The following RGS17 variants were observed in gnomAD, a reference collection of about 807,000 sequenced individuals.
The protein encoded by RGS17 is regulator of G-protein signaling 17.
A neutral mutation model predicts 25.5 loss-of-function variants in RGS17; 12 were observed. The observed-to-expected ratio is 0.47, with a 90% CI of 0.30 to 0.76. RGS17 has a LOEUF of 0.76. RGS17 is among the 30% of genes least tolerant of loss of function. RGS17 has a pLI of 0.07. For missense variants in RGS17, 196 were observed against 242.2 expected (o/e 0.81, Z 1.27); for synonymous variants, 71 against 76.9 (o/e 0.92, Z 0.40).
intron 1 of RGS17, among the ~76,000 whole-genome samples, chr6:153,075,853 C>T (rs1776869843): frequency 6.6e-6 from 1 of 152,186 alleles, no homozygotes; most frequent in Non-Finnish European, 1.5e-5. Flanking sequence ...CATACATACA[C>T]ATTCATACAT....
chr6:153,077,559 T>C (rs1022583835), intron 1 of RGS17, among the ~76,000 whole-genome samples: 4 of 152,294 alleles, frequency 2.6e-5, no homozygotes, highest in African/African-American at 9.6e-5. Flanking sequence ...CTGTAGGTTT[T>C]AAAATGTCAT....
intron 2 of RGS17, among the ~76,000 whole-genome samples, chr6:153,029,199 T>C (rs1019736847): frequency 6.6e-6 from 1 of 152,248 alleles, no homozygotes; most frequent in African/African-American, 2.4e-5. Flanking sequence ...TGATCTACTA[T>C]TGGCCACAGT....
chr6:153,050,853 G>GTAATGATATTTGGAGATGGGGCCAAATA (rs553369475), intron 1 of RGS17, among the ~76,000 whole-genome samples: 1 of 152,176 alleles, frequency 6.6e-6, no homozygotes, highest in South Asian at 2.1e-4. Context: ...AATCCCAAAT[G>GTAATGATATTTGGAGATGGGGCCAAATA]TAATGATATT....
intron 1 of RGS17, among the ~76,000 whole-genome samples, chr6:153,055,818 G>A (rs1029146524): frequency 6.6e-6 from 1 of 152,164 alleles, no homozygotes; most frequent in South Asian, 2.1e-4. Flanking sequence ...GAAATGAGGG[G>A]AAATTCTGCT....
At chr6:153,109,047 T>C (rs759945575) in intron 1 of RGS17, among the ~76,000 whole-genome samples, 9 of 152,158 alleles carry the variant, frequency 5.9e-5, no homozygotes, top group Non-Finnish European at 1.2e-4. Flanking sequence ...TTACTCCTCT[T>C]TCCCAGACTA....
chr6:153,072,105 C>T (rs1434558008), intron 1 of RGS17, among the ~76,000 whole-genome samples: 1 of 152,058 alleles, frequency 6.6e-6, no homozygotes, highest in Non-Finnish European at 1.5e-5. Flanking sequence ...GTATTCCCAG[C>T]ATCTAAGGGA....
chr6:153,071,198 T>C (rs1776798501), intron 1 of RGS17, among the ~76,000 whole-genome samples: 2 of 150,514 alleles, frequency 1.3e-5, no homozygotes. Context: ...TATCAATATA[T>C]ATACACACAG....
At chr6:153,048,103 T>C (rs1337397103) in intron 1 of RGS17, among the ~76,000 whole-genome samples, 1 of 152,222 alleles carries the variant, frequency 6.6e-6, no homozygotes, top group Non-Finnish European at 1.5e-5. Flanking sequence ...TTTTCCTGAA[T>C]TCAGGATGCA....
intron 2 of RGS17, among the ~76,000 whole-genome samples, chr6:153,041,675 C>T (rs1424235614): frequency 1.3e-5 from 2 of 152,142 alleles, no homozygotes; most frequent in Non-Finnish European, 2.9e-5. Context: ...ATTACAGGAA[C>T]CTGGTATAGT....
At chr6:153,062,330 G>A (rs1215983553) in intron 1 of RGS17, among the ~76,000 whole-genome samples, 2 of 152,160 alleles carry the variant, frequency 1.3e-5, no homozygotes, top group Non-Finnish European at 2.9e-5. Context: ...CTCTAAGGGA[G>A]GGACAACACA....
chr6:153,121,642 C>T (rs1352733235), intron 1 of RGS17, among the ~76,000 whole-genome samples: 1 of 152,154 alleles, frequency 6.6e-6, no homozygotes, highest in Admixed American at 6.5e-5. Context: ...GCTTATCATA[C>T]ACATTTATTC....
At position 153,130,483 on chromosome 6, in the gene RGS17, T is replaced by TACACAC. The variant is rs58779961; in HGVS notation, c.-26+635_-26+640dup. Among the ~76,000 whole-genome samples, 7 of 146,208 alleles carry TACACAC rather than the reference T, an allele frequency of 4.8e-5. No individual in the cohort carries two copies. The highest frequency in any genetic ancestry group is 2.2e-4 in the South Asian group (1 of 4,472). ...CCCACCCCCTATACATACATACACA[T>TACACAC]ACACACACACACACACACACACACA... On this transcript the variant is annotated intron_variant, in intron 1 of 4. Transcript: ENST00000206262. This position sits in a 1 kb window ranked among gnomAD's most constrained non-coding sequence, Gnocchi z 6.4.
chr6:153,038,762 T>C (rs1162421682), intron 2 of RGS17, among the ~76,000 whole-genome samples: 6 of 152,316 alleles, frequency 3.9e-5, no homozygotes, highest in Admixed American at 2.6e-4. Flanking sequence ...ATCTTAGTAT[T>C]TCCTTTGGCA....
intron 1 of RGS17, among the ~76,000 whole-genome samples, chr6:153,100,637 C>T (rs1016664120): frequency 6.6e-6 from 1 of 152,150 alleles, no homozygotes; most frequent in Non-Finnish European, 1.5e-5. Context: ...ATCTAACTTA[C>T]TTCTTATAGG....
At chr6:153,033,628 A>C (rs1305291682) in intron 2 of RGS17, among the ~76,000 whole-genome samples, 1 of 152,108 alleles carries the variant, frequency 6.6e-6, no homozygotes, top group Non-Finnish European at 1.5e-5. Context: ...TGAGGCACAG[A>C]AATCGCTTGA....
In RGS17 at chr6:153,043,501, A is replaced by C. The variant is rs1455041518; in HGVS notation, c.119+399T>G. ...CAGCAGAGAACTAAAAAAAAAAAAAAACACATGCAATACTACATGCAATAT... is the reference window on the plus strand; with the variant it reads ...CAGCAGAGAACTAAAAAAAAAAAAACACACATGCAATACTACATGCAATAT... On this transcript the variant is annotated intron_variant, in intron 2 of 4. Coordinates refer to ENST00000206262, the MANE Select transcript of RGS17 (RefSeq NM_012419.5). Among the ~76,000 whole-genome samples, 9 of 151,932 alleles carry C rather than the reference A, an allele frequency of 5.9e-5. 1 individual carries two copies. The highest frequency in any genetic ancestry group is 3.3e-4 in the Admixed American group (5 of 15,238).
intron 1 of RGS17, among the ~76,000 whole-genome samples, chr6:153,046,033 A>C (rs1678183742): frequency 6.6e-6 from 1 of 152,224 alleles, no homozygotes; most frequent in Non-Finnish European, 1.5e-5. Context: ...AAACCCTGTC[A>C]TTCACAGCAA....
At chr6:153,018,222 G>A (rs958567424) in intron 4 of RGS17, among the ~76,000 whole-genome samples, 2 of 151,858 alleles carry the variant, frequency 1.3e-5, no homozygotes, top group African/African-American at 4.8e-5. Context: ...GAAGTTCTAC[G>A]GTTGGGTTTA....
At chr6:153,031,087 T>C (rs771334650) in intron 2 of RGS17, among the ~76,000 whole-genome samples, 1 of 152,160 alleles carries the variant, frequency 6.6e-6, no homozygotes, top group Non-Finnish European at 1.5e-5. Flanking sequence ...TAGAACAGAA[T>C]GGACATATCA....
Sources: allele counts gnomAD v4.1 joint callset (sites outside exome capture counted in the v4.1 genomes callset), GRCh38; gene constraint gnomAD v4.1.1; non-coding constraint Gnocchi (gnomAD v3.1); transcripts MANE v1.5; gene names NCBI Gene and HGNC (gene_info 2026-07-23, HGNC 2026-07-21).